Variants in DPYD observed in about 807,000 individuals in gnomAD.
DPYD encodes dihydropyrimidine dehydrogenase, also known as dihydropyrimidine dehydrogenase [NADP(+)].
A neutral mutation model predicts 116.2 loss-of-function variants in DPYD; 109 were observed. The observed-to-expected ratio is 0.94, with a 90% CI of 0.80 to 1.10. DPYD has a LOEUF of 1.10. DPYD is among the 50% of genes least tolerant of loss of function. The pLI, the probability that DPYD is intolerant of heterozygous loss-of-function variation, is 0.00. For synonymous variants in DPYD, 440 were observed against 432.0 expected (o/e 1.02, Z -0.23); for missense variants, 1,302 against 1,254.5 (o/e 1.04, Z -0.57).
At chr1:97,529,293 T>G (rs1054921659) in intron 12 of DPYD, among the ~76,000 whole-genome samples, 3 of 152,198 alleles carry the variant, frequency 2.0e-5, no homozygotes, top group Non-Finnish European at 4.4e-5. Context: ...ATCTATCAAG[T>G]GCATTCTATA....
intron 5 of DPYD, among the ~76,000 whole-genome samples, chr1:97,705,980 T>C (rs1279185572): frequency 6.6e-6 from 1 of 152,062 alleles, no homozygotes; most frequent in Non-Finnish European, 1.5e-5. Context: ...TTGATGGGTT[T>C]TTTTTCTTGT....
At chr1:97,548,198 T>C (rs1002519989) in intron 12 of DPYD, among the ~76,000 whole-genome samples, 1 of 152,112 alleles carries the variant, frequency 6.6e-6, no homozygotes, top group Non-Finnish European at 1.5e-5. Context: ...AGAATAAAAA[T>C]TTTATTAACA....
At chr1:97,741,465 G>A (rs564980125) in intron 3 of DPYD, among the ~76,000 whole-genome samples, 2 of 152,010 alleles carry the variant, frequency 1.3e-5, no homozygotes, top group African/African-American at 2.4e-5. Context: ...CTGGGAATCC[G>A]CATTTTGAAA....
intron 16 of DPYD, among the ~76,000 whole-genome samples, chr1:97,332,513 G>C (rs1317590906): frequency 6.6e-6 from 1 of 152,156 alleles, no homozygotes; most frequent in Non-Finnish European, 1.5e-5. Context: ...ATTTCGTTGA[G>C]TTTTGTGTCC....
At chr1:97,381,517 G>T (rs1671963947) in intron 15 of DPYD, among the ~76,000 whole-genome samples, 1 of 152,024 alleles carries the variant, frequency 6.6e-6, no homozygotes, top group Non-Finnish European at 1.5e-5. Context: ...AAGATCACGA[G>T]GCCAATTACT....
chr1:97,863,903 A>G (rs553053276), intron 2 of DPYD, among the ~76,000 whole-genome samples: 1 of 152,082 alleles, frequency 6.6e-6, no homozygotes, highest in Admixed American at 6.6e-5. Flanking sequence ...AAACCCTGGA[A>G]TACAGACCAG....
chr1:97,186,943 T>A (rs916695205), intron 20 of DPYD, among the ~76,000 whole-genome samples: 5 of 152,238 alleles, frequency 3.3e-5, no homozygotes, highest in African/African-American at 1.2e-4. Flanking sequence ...ATTCTTTTTT[T>A]ATGGCTGAAT....
chr1:97,539,338 A>C (rs913136096), intron 12 of DPYD, among the ~76,000 whole-genome samples: 6 of 152,134 alleles, frequency 3.9e-5, no homozygotes, highest in African/African-American at 1.4e-4. Context: ...CATGGAATGA[A>C]TCCCACTTGG....
chr1:97,396,716 T>C (rs1673025150), intron 14 of DPYD, among the ~76,000 whole-genome samples: 1 of 152,042 alleles, frequency 6.6e-6, no homozygotes, highest in Middle Eastern at 3.2e-3. Flanking sequence ...ACCTCTTATA[T>C]ATACTGCCTA....
intron 2 of DPYD, among the ~76,000 whole-genome samples, chr1:97,832,575 A>C (rs1381882045): frequency 6.6e-6 from 1 of 152,174 alleles, no homozygotes; most frequent in African/African-American, 2.4e-5. Flanking sequence ...TTTTGCATGC[A>C]ACAGTCTTTA....
intron 19 of DPYD, among the ~76,000 whole-genome samples, chr1:97,222,161 A>G (rs1660820557): frequency 6.6e-6 from 1 of 152,134 alleles, no homozygotes. Context: ...CAAGCATATG[A>G]AGACTCTTTG....
intron 20 of DPYD, among the ~76,000 whole-genome samples, chr1:97,108,573 C>T (rs1651349636): frequency 6.6e-6 from 1 of 151,992 alleles, no homozygotes; most frequent in African/African-American, 2.4e-5. Context: ...TGGATGGGTT[C>T]ATAAACTGTT....
chr1:97,731,911 T>G (rs1226588750), intron 4 of DPYD, among the ~76,000 whole-genome samples: 1 of 152,002 alleles, frequency 6.6e-6, no homozygotes, highest in Non-Finnish European at 1.5e-5. Context: ...AATTTAAATT[T>G]TATCAAATAT....
chr1:97,409,783 C>T (rs1413200591), intron 14 of DPYD, among the ~76,000 whole-genome samples: 3 of 152,134 alleles, frequency 2.0e-5, no homozygotes, highest in Non-Finnish European at 4.4e-5. Flanking sequence ...TCAAATGTCA[C>T]TGTCTCAGTG....
rs763260651 is a variant in DPYD at position 97,751,460 on chromosome 1, G to GTGTGTGTGTGTA, written c.234-10982_234-10981insTACACACACACA. ...TGTGTGTGTGTGTGTGTGTGTGTGT[G>GTGTGTGTGTGTA]TATATATATATATATATATATATAT... On this transcript the variant is annotated intron_variant, in intron 3 of 22. Coordinates refer to ENST00000370192, the MANE Select transcript of DPYD (RefSeq NM_000110.4). Among the ~76,000 whole-genome samples the GTGTGTGTGTGTA allele has an allele frequency of 4.3e-3, 92 of 21,292 alleles. 1 individual carries two copies. Among genetic ancestry groups the GTGTGTGTGTGTA allele is most frequent in the Non-Finnish European group, 6.3e-3 (78 of 12,286 alleles). The allele number at this position is 21,292 out of a possible 152,430, so 14.0% of individuals were successfully genotyped here.
chr1:97,242,008 T>C (rs984607418), intron 18 of DPYD, among the ~76,000 whole-genome samples: 1 of 150,476 alleles, frequency 6.6e-6, no homozygotes, highest in African/African-American at 2.4e-5. Context: ...TATTATTTCA[T>C]TGGCTTCAAA....
chr1:97,627,704 C>A (rs1325786860), intron 8 of DPYD, among the ~76,000 whole-genome samples: 1 of 151,978 alleles, frequency 6.6e-6, no homozygotes, highest in Non-Finnish European at 1.5e-5. Flanking sequence ...CTAAATAACA[C>A]CAACTCTCTT....
At chr1:97,202,317 C>G (rs993707523) in intron 19 of DPYD, among the ~76,000 whole-genome samples, 6 of 152,092 alleles carry the variant, frequency 3.9e-5, no homozygotes, top group African/African-American at 1.4e-4. Flanking sequence ...TACTTATCCT[C>G]TGAAACGATA....
chr1:97,577,926 G>T (rs897507021), intron 10 of DPYD, among the ~76,000 whole-genome samples: 1 of 151,884 alleles, frequency 6.6e-6, no homozygotes, highest in African/African-American at 2.4e-5. Context: ...GCTCACTGCA[G>T]TCTCCGCCTC....
Sources: allele counts gnomAD v4.1 joint callset (sites outside exome capture counted in the v4.1 genomes callset), GRCh38; gene constraint gnomAD v4.1.1; transcripts MANE v1.5; gene names NCBI Gene and HGNC (gene_info 2026-07-23, HGNC 2026-07-21).